Variants in BMP8A observed in about 807,000 individuals in gnomAD.
BMP8A encodes the protein bone morphogenetic protein 8a, also known as BMP-8A.
BMP8A carries 14 observed loss-of-function variants against 36.8 expected under a neutral mutation model. The observed-to-expected ratio is 0.38, with a 90% CI of 0.25 to 0.60. BMP8A has a LOEUF of 0.60. BMP8A is among the 20% of genes least tolerant of loss of function. The probability of loss-of-function intolerance (pLI) is 0.63; values close to 1 mark genes in which losing one functional copy is unlikely to be tolerated. For synonymous variants in BMP8A, 120 were observed against 237.7 expected (o/e 0.50, Z 4.55); for missense variants, 267 against 551.1 (o/e 0.48, Z 5.16).
chr1:39,497,951 T>C (rs1440197524), intron 1 of BMP8A, among the ~76,000 whole-genome samples: 1 of 152,098 alleles, frequency 6.6e-6, no homozygotes, highest in East Asian at 1.9e-4. Context: ...TGGAGGAAGG[T>C]GGCTTCACGG....
chr1:39,506,579 G>T (rs1443158884), intron 1 of BMP8A, among the ~76,000 whole-genome samples: 1 of 152,148 alleles, frequency 6.6e-6, no homozygotes, highest in Non-Finnish European at 1.5e-5. Flanking sequence ...ATCAGGGAAA[G>T]AATGTATGGG....
At chr1:39,493,683 C>A (rs1292702041) in intron 1 of BMP8A, among the ~76,000 whole-genome samples, 3 of 152,234 alleles carry the variant, frequency 2.0e-5, no homozygotes, top group African/African-American at 7.2e-5. Context: ...CGCCCAGTGC[C>A]AGGGACAGGA....
intron 1 of BMP8A, among the ~76,000 whole-genome samples, chr1:39,492,835 A>G (rs2463263): frequency 6.6e-6 from 1 of 151,948 alleles, no homozygotes; most frequent in East Asian, 1.9e-4. Flanking sequence ...CTGTCAGGGG[A>G]GCGGCTGGGG....
intron 1 of BMP8A, among the ~76,000 whole-genome samples, chr1:39,494,513 G>C (rs1253271119): frequency 6.6e-6 from 1 of 151,866 alleles, no homozygotes; most frequent in South Asian, 2.1e-4. Flanking sequence ...ACCACACCCA[G>C]ATAATTTTTA....
intron 6 of BMP8A, 46 bp from the exon 7 acceptor site, chr1:39,525,603 G>A (rs779995153): frequency 1.9e-6 from 3 of 1,606,162 alleles, no homozygotes. Flanking sequence ...GTCCTCAGAG[G>A]AGGCCACTGG....
rs1378430845 is a variant in BMP8A at position 39,528,179 on chromosome 1, C to A, written c.*2381C>A. Among the ~76,000 whole-genome samples the A allele has an allele frequency of 6.6e-6, 1 of 152,206 alleles. No individual in the cohort carries two copies. The highest frequency in any genetic ancestry group is 1.5e-5 in the Non-Finnish European group (1 of 68,042). On this transcript the variant is annotated 3_prime_UTR_variant, in exon 7 of 7. Transcript: ENST00000331593. ...GGCCTGAGGATCATGATGAGACTCC[C>A]TTTTTATGCAGCAAAGCACAAAGTG...
In BMP8A at chr1:39,522,993, C is replaced by G; in HGVS notation, c.949-14C>G. 6.3e-7 allele frequency: 1 copy of G among 1,592,554 alleles called. No individual in the cohort carries two copies. Among genetic ancestry groups the G allele is most frequent in the Non-Finnish European group, 8.6e-7 (1 of 1,167,526 alleles). On this transcript the variant is annotated splice_polypyrimidine_tract_variant and intron_variant, in intron 5 of 6. Transcript: ENST00000331593. ...AGCACATGGATGGGACTCACCTTCT[C>G]CCTTGCCCCCCAGGACTGGGTCATC...
intron 1 of BMP8A, among the ~76,000 whole-genome samples, chr1:39,495,067 T>A (rs1417760822): frequency 6.6e-6 from 1 of 152,166 alleles, no homozygotes; most frequent in Non-Finnish European, 1.5e-5. Context: ...CTCTCAGTGT[T>A]TGGAGGCCCC....
intron 1 of BMP8A, among the ~76,000 whole-genome samples, chr1:39,496,796 G>A (rs891102407): frequency 3.3e-5 from 5 of 152,186 alleles, no homozygotes; most frequent in African/African-American, 7.2e-5. Context: ...AAGTGCTGTC[G>A]AATTGAACTG....
In BMP8A at chr1:39,511,785, AGAC is replaced by A. The variant is rs777149630; in HGVS notation, c.556_558del (p.Thr186del). On this transcript the variant is annotated inframe_deletion, in exon 3 of 7. Transcript: ENST00000331593. ...TCTGACTTGTTCTTTTTGGATCTTC[AGAC>A]GCTCCGAGCTGGAGACGAGGGCTGG... The A allele has an allele frequency of 1.4e-5, 22 of 1,584,208 alleles. No homozygotes were observed. Among genetic ancestry groups the A allele is most frequent in the Non-Finnish European group, 8.6e-7 (1 of 1,159,646 alleles).
At chr1:39,514,746 G>A (rs1398079548) in intron 3 of BMP8A, among the ~76,000 whole-genome samples, 2 of 152,178 alleles carry the variant, frequency 1.3e-5, no homozygotes, top group Non-Finnish European at 1.5e-5. Flanking sequence ...CGCTGGACAC[G>A]GAGGACTGAC....
intron 6 of BMP8A, chr1:39,523,620 T>C (rs989885701): frequency 3.5e-6 from 5 of 1,442,590 alleles, no homozygotes; most frequent in Non-Finnish European, 4.6e-6. Context: ...CTTTTGGCTT[T>C]TTCCCGCAGT....
chr1:39,518,051 G>A (rs1420227219), intron 3 of BMP8A, among the ~76,000 whole-genome samples: 3 of 152,008 alleles, frequency 2.0e-5, no homozygotes, highest in Admixed American at 2.0e-4. Flanking sequence ...GAGGCTGCGA[G>A]GCATTTCCTC....
chr1:39,523,655 C>T (rs1727098), intron 6 of BMP8A: 804,946 of 1,439,898 alleles, frequency 0.56, 229,702 homozygotes, highest in South Asian at 0.78. Context: ...TCTGTGTTTT[C>T]TCTGGATCCC....
rs1034400246 is a variant in BMP8A, at chr1:39,502,333, A to G, written c.335-8841A>G. 7.2e-5 allele frequency among the ~76,000 whole-genome samples: 11 copies of G among 152,280 alleles called. No individual in the cohort carries two copies. In the South Asian group the frequency reaches 1.9e-3, roughly 26 times the overall value. ...TTAAAATAAAAAATATATATGTACC[A>G]ATACATACAGATGTGTGTTTTTGCA... On this transcript the variant is annotated intron_variant, in intron 1 of 6. Transcript: ENST00000331593.
intron 1 of BMP8A, among the ~76,000 whole-genome samples, chr1:39,493,163 CG>C (rs2124299344): frequency 6.6e-6 from 1 of 151,784 alleles, no homozygotes; most frequent in Non-Finnish European, 1.5e-5. Context: ...AGTGACAGGC[CG>C]GGGTCTGGGA....
intron 3 of BMP8A, among the ~76,000 whole-genome samples, chr1:39,519,304 C>A (rs1570310349): frequency 7.6e-6 from 1 of 131,510 alleles, no homozygotes. Context: ...AGTGCCCGGG[C>A]TGGTGACCAC....
At chr1:39,501,930 A>G (rs960167075) in intron 1 of BMP8A, among the ~76,000 whole-genome samples, 7 of 152,188 alleles carry the variant, frequency 4.6e-5, no homozygotes, top group African/African-American at 1.7e-4. Context: ...GCCTTCTCAA[A>G]CATCACATCT....
intron 1 of BMP8A, among the ~76,000 whole-genome samples, chr1:39,507,956 A>T (rs1242392671): frequency 6.6e-6 from 1 of 152,172 alleles, no homozygotes; most frequent in Non-Finnish European, 1.5e-5. Context: ...TTTTATTTAG[A>T]AAAAAAGAAA....
Sources: gnomAD v4.1 joint callset for allele counts (sites outside exome capture counted in the v4.1 genomes callset) on GRCh38, gnomAD v4.1.1 for gene constraint, MANE v1.5 for transcripts, NCBI Gene and HGNC (gene_info 2026-07-23, HGNC 2026-07-21) for gene names.